The following NOL4 variants were observed in gnomAD, a reference collection of about 807,000 sequenced individuals.
NOL4 encodes cancer/testis antigen 125.
NOL4 carries 17 observed loss-of-function variants against 75.9 expected under a neutral mutation model. The observed-to-expected ratio is 0.22, with a 90% CI of 0.15 to 0.34. NOL4 has a LOEUF of 0.34. NOL4 is among the 10% of genes least tolerant of loss of function. NOL4 has a pLI of 1.00. For synonymous variants in NOL4, 292 were observed against 289.9 expected (o/e 1.01, Z -0.07); for missense variants, 614 against 793.5 (o/e 0.77, Z 2.72).
chr18:33,906,998 ATTAG>A (rs1301694497), intron 9 of NOL4, among the ~76,000 whole-genome samples: 1 of 152,138 alleles, frequency 6.6e-6, no homozygotes. Context: ...TTGTATATAA[ATTAG>A]TTACTTAGTT....
At chr18:33,978,853 T>A (rs914346462) in intron 6 of NOL4, among the ~76,000 whole-genome samples, 7 of 151,898 alleles carry the variant, frequency 4.6e-5, no homozygotes, top group Non-Finnish European at 8.8e-5. Context: ...TTAAGTTTTT[T>A]AAAAAAATAT....
chr18:34,032,943 T>C (rs2075712798), intron 5 of NOL4, among the ~76,000 whole-genome samples: 1 of 152,126 alleles, frequency 6.6e-6, no homozygotes, highest in South Asian at 2.1e-4. Flanking sequence ...CAGATACTAC[T>C]GATGATGTTT....
At chr18:34,186,064 C>T (rs1361180904) in intron 1 of NOL4, among the ~76,000 whole-genome samples, 1 of 152,086 alleles carries the variant, frequency 6.6e-6, no homozygotes, top group Non-Finnish European at 1.5e-5. Context: ...TTCTGAAATA[C>T]ATCATTTTGC....
chr18:34,071,438 GACACACAC>G (rs61428886), intron 5 of NOL4, among the ~76,000 whole-genome samples: 7 of 147,694 alleles, frequency 4.7e-5, no homozygotes, highest in Admixed American at 3.4e-4. Context: ...CAGACAGACA[GACACACAC>G]ACACACACAC....
chr18:34,072,487 T>C (rs2077566542), intron 5 of NOL4, among the ~76,000 whole-genome samples: 1 of 152,112 alleles, frequency 6.6e-6, no homozygotes, highest in South Asian at 2.1e-4. Context: ...AGTAGATAAA[T>C]GCACAATCGT....
chr18:33,880,360 A>G (rs1314306062), intron 10 of NOL4, among the ~76,000 whole-genome samples: 4 of 148,640 alleles, frequency 2.7e-5, no homozygotes, highest in Non-Finnish European at 5.9e-5. Context: ...TTTCTCCTGG[A>G]TTTAAAGTAT....
chr18:33,868,511 C>T (rs2063539244), intron 10 of NOL4, among the ~76,000 whole-genome samples: 1 of 152,060 alleles, frequency 6.6e-6, no homozygotes, highest in South Asian at 2.1e-4. Flanking sequence ...TTCTAAATCA[C>T]ATTCAATATT....
chr18:34,199,789 G>T (rs2035603189), intron 1 of NOL4, among the ~76,000 whole-genome samples: 1 of 151,842 alleles, frequency 6.6e-6, no homozygotes, highest in South Asian at 2.1e-4. Flanking sequence ...GAGGTAGGAA[G>T]AGGGATTTCT....
At chr18:34,023,435 CT>C in intron 5 of NOL4, 1 of 456,194 alleles carries the variant, frequency 2.2e-6, no homozygotes, top group Admixed American at 2.3e-5. Flanking sequence ...AATCTGCTTC[CT>C]TACCCAACAT....
At chr18:34,121,555 C>T (rs2080141751) in intron 2 of NOL4, among the ~76,000 whole-genome samples, 1 of 152,162 alleles carries the variant, frequency 6.6e-6, no homozygotes, top group African/African-American at 2.4e-5. Context: ...GCGAAGATTT[C>T]ACTTCATTCT....
chr18:34,140,926 A>G (rs1047909642), intron 1 of NOL4, among the ~76,000 whole-genome samples: 1 of 152,080 alleles, frequency 6.6e-6, no homozygotes, highest in African/African-American at 2.4e-5. Flanking sequence ...CTGTATATCT[A>G]GAAAACCCCA....
At chr18:33,966,191 G>T (rs1345466410) in intron 6 of NOL4, among the ~76,000 whole-genome samples, 1 of 151,910 alleles carries the variant, frequency 6.6e-6, no homozygotes, top group Non-Finnish European at 1.5e-5. Context: ...ATTTAGAGAG[G>T]GGGCTGTTTT....
At chr18:34,177,443 TA>T (rs1215745685) in intron 1 of NOL4, among the ~76,000 whole-genome samples, 1 of 151,946 alleles carries the variant, frequency 6.6e-6, no homozygotes, top group Non-Finnish European at 1.5e-5. Context: ...CAATCATACC[TA>T]AATAAATTTG....
intron 5 of NOL4, among the ~76,000 whole-genome samples, chr18:34,088,532 C>T (rs544337111): frequency 2.6e-5 from 4 of 152,146 alleles, no homozygotes; most frequent in African/African-American, 9.6e-5. Context: ...TGTTAGTCCT[C>T]GAGATGCTTT....
intron 5 of NOL4, among the ~76,000 whole-genome samples, chr18:34,062,002 T>C (rs954099425): frequency 6.6e-6 from 1 of 152,000 alleles, no homozygotes; most frequent in Non-Finnish European, 1.5e-5. Context: ...AGAGAGACGT[T>C]AAGCCTACCA....
intron 9 of NOL4, among the ~76,000 whole-genome samples, chr18:33,904,193 C>A (rs940025236): frequency 6.6e-6 from 1 of 152,052 alleles, no homozygotes; most frequent in Admixed American, 6.6e-5. Flanking sequence ...TTGGGTCTAA[C>A]TCTCTTTGCC....
intron 5 of NOL4, among the ~76,000 whole-genome samples, chr18:34,088,191 T>C (rs1029221454): frequency 3.9e-5 from 6 of 151,976 alleles, no homozygotes; most frequent in African/African-American, 1.4e-4. Flanking sequence ...TATCCTTCTA[T>C]AAAATGAAGT....
chr18:34,151,519 G>A (rs1170870356), intron 1 of NOL4, among the ~76,000 whole-genome samples: 1 of 151,754 alleles, frequency 6.6e-6, no homozygotes, highest in Non-Finnish European at 1.5e-5. Context: ...TAAGGAGACA[G>A]TAAAAAGATC....
intron 1 of NOL4, among the ~76,000 whole-genome samples, chr18:34,133,884 G>A (rs145712500): frequency 1.3e-3 from 191 of 152,164 alleles, no homozygotes; most frequent in African/African-American, 4.1e-3. Flanking sequence ...TTAGCTGGGC[G>A]TGGTGGCATG....
Sources: gnomAD v4.1 joint callset for allele counts (sites outside exome capture counted in the v4.1 genomes callset) on GRCh38, gnomAD v4.1.1 for gene constraint, MANE v1.5 for transcripts, NCBI Gene and HGNC (gene_info 2026-07-23, HGNC 2026-07-21) for gene names.